The following BCKDHB variants were observed in gnomAD, a reference collection of about 807,000 sequenced individuals.
BCKDHB encodes the protein 2-oxoisovalerate dehydrogenase subunit beta, mitochondrial.
A neutral mutation model predicts 48.5 loss-of-function variants in BCKDHB; 41 were observed. The observed-to-expected ratio is 0.85, with a 90% CI of 0.66 to 1.10. BCKDHB has a LOEUF of 1.10. Ranked by LOEUF, BCKDHB falls within the 50% of genes least tolerant of loss-of-function variation. The pLI, the probability that BCKDHB is intolerant of heterozygous loss-of-function variation, is 0.00. For missense variants in BCKDHB, 496 were observed against 494.2 expected (o/e 1.00, Z -0.03); for synonymous variants, 201 against 174.8 (o/e 1.15, Z -1.18).
chr6:80,172,871 C>G (rs1772981999), intron 6 of BCKDHB, among the ~76,000 whole-genome samples: 1 of 151,974 alleles, frequency 6.6e-6, no homozygotes, highest in African/African-American at 2.4e-5. Flanking sequence ...TTTATATGGA[C>G]TCTATTATAG....
intron 3 of BCKDHB, among the ~76,000 whole-genome samples, chr6:80,160,928 A>G (rs187991674): frequency 9.2e-5 from 14 of 152,298 alleles, no homozygotes; most frequent in Non-Finnish European, 1.9e-4. Context: ...ATCAGCAACA[A>G]GTTTATCAGA....
At chr6:80,178,174 G>A (rs1314351342) in intron 6 of BCKDHB, among the ~76,000 whole-genome samples, 3 of 152,166 alleles carry the variant, frequency 2.0e-5, no homozygotes, top group Non-Finnish European at 4.4e-5. Context: ...TTTTCTACGT[G>A]GAGTCAGAGT....
At chr6:80,359,856 C>A in the BCKDHB span, among the ~76,000 whole-genome samples, 44 of 152,282 alleles carry the variant, frequency 2.9e-4, 2 homozygotes, top group South Asian at 9.1e-3. Flanking sequence ...CTCCGAAGTG[C>A]TGGGATTACA....
the BCKDHB span, among the ~76,000 whole-genome samples, chr6:80,434,195 A>T: frequency 6.6e-6 from 1 of 151,926 alleles, no homozygotes. Flanking sequence ...ATTTTATTAA[A>T]TTTCAAATAT....
intron 9 of BCKDHB, among the ~76,000 whole-genome samples, chr6:80,332,027 A>G (rs183671807): frequency 6.6e-6 from 1 of 152,292 alleles, no homozygotes; most frequent in African/African-American, 2.4e-5. Context: ...TGCATATATA[A>G]TTTTTTGAAG....
the BCKDHB span, among the ~76,000 whole-genome samples, chr6:80,426,580 C>T: frequency 0.011 from 1,684 of 152,070 alleles, 16 homozygotes; most frequent in African/African-American, 0.025. Context: ...TTCTTTGACC[C>T]ATGGGTTATT....
At chr6:80,438,851 T>C in the BCKDHB span, among the ~76,000 whole-genome samples, 2 of 152,186 alleles carry the variant, frequency 1.3e-5, no homozygotes, top group Non-Finnish European at 2.9e-5. Flanking sequence ...GCTTAACAAA[T>C]GCAGAAATGA....
the BCKDHB span, among the ~76,000 whole-genome samples, chr6:80,386,624 T>C: frequency 1.3e-5 from 2 of 152,198 alleles, no homozygotes; most frequent in South Asian, 4.1e-4. Flanking sequence ...GTGGTGGCAC[T>C]CAACCATCAA....
chr6:80,381,395 T>G, the BCKDHB span, among the ~76,000 whole-genome samples: 20 of 152,110 alleles, frequency 1.3e-4, no homozygotes, highest in Admixed American at 3.3e-4. Flanking sequence ...ATTTTGCCTT[T>G]TGTACACAAT....
the BCKDHB span, among the ~76,000 whole-genome samples, chr6:80,412,591 G>C: frequency 1.3e-5 from 2 of 152,042 alleles, no homozygotes; most frequent in Admixed American, 1.3e-4. Flanking sequence ...TTTTGAATTT[G>C]ACTATATACT....
the BCKDHB span, among the ~76,000 whole-genome samples, chr6:80,384,728 C>T: frequency 6.6e-6 from 1 of 152,076 alleles, no homozygotes; most frequent in Non-Finnish European, 1.5e-5. Context: ...ATTGTGGGAC[C>T]TTGTGATCAT....
At chr6:80,255,018 A>G (rs1486927317) in intron 8 of BCKDHB, among the ~76,000 whole-genome samples, 2 of 152,208 alleles carry the variant, frequency 1.3e-5, no homozygotes, top group East Asian at 3.8e-4. Flanking sequence ...TGTTAGAACA[A>G]TGCTTTCTTT....
chr6:80,397,430 C>T, the BCKDHB span, among the ~76,000 whole-genome samples: 1 of 152,030 alleles, frequency 6.6e-6, no homozygotes, highest in Non-Finnish European at 1.5e-5. Flanking sequence ...TTTTTCAAAT[C>T]CTTCAAATTA....
chr6:80,347,256 A>T (rs1052532308), downstream of BCKDHB, among the ~76,000 whole-genome samples: 4 of 152,310 alleles, frequency 2.6e-5, no homozygotes, highest in Middle Eastern at 3.4e-3. Context: ...AAATAGAAAA[A>T]CTTGTACAGC....
At chr6:80,416,382 T>C in the BCKDHB span, among the ~76,000 whole-genome samples, 2 of 152,060 alleles carry the variant, frequency 1.3e-5, no homozygotes, top group African/African-American at 4.8e-5. Flanking sequence ...GCTTGATAAC[T>C]TGAGGTCTTT....
intron 9 of BCKDHB, among the ~76,000 whole-genome samples, chr6:80,282,209 AC>A (rs1431700872): frequency 6.6e-5 from 10 of 152,184 alleles, no homozygotes; most frequent in Non-Finnish European, 1.5e-4. Flanking sequence ...TATGCCACTT[AC>A]TATTGATAAA....
intron 8 of BCKDHB, among the ~76,000 whole-genome samples, chr6:80,207,342 A>G (rs1193595721): frequency 2.0e-5 from 3 of 151,920 alleles, no homozygotes; most frequent in Admixed American, 6.6e-5. Context: ...TGGTTAGGTT[A>G]TAATCAAGGA....
At chr6:80,413,415 C>T in the BCKDHB span, among the ~76,000 whole-genome samples, 4 of 151,964 alleles carry the variant, frequency 2.6e-5, no homozygotes, top group African/African-American at 9.7e-5. Context: ...AGTCCAGAAC[C>T]CATTAGTTAT....
chr6:80,260,987 G>T (rs1360954847), intron 8 of BCKDHB, among the ~76,000 whole-genome samples: 1 of 152,084 alleles, frequency 6.6e-6, no homozygotes, highest in African/African-American at 2.4e-5. Flanking sequence ...TATTCAAAAA[G>T]AATAAAAAGG....
Sources: allele counts gnomAD v4.1 joint callset (sites outside exome capture counted in the v4.1 genomes callset), GRCh38; gene constraint gnomAD v4.1.1; transcripts MANE v1.5; gene names NCBI Gene and HGNC (gene_info 2026-07-23, HGNC 2026-07-21).